ARHGAP40: variants seen among roughly 807,000 people sequenced by gnomAD.
The protein encoded by ARHGAP40 is rho GTPase-activating protein 40.
Under a neutral mutation model 73.5 loss-of-function variants are expected in ARHGAP40, and 43 were observed. The ratio of observed to expected loss-of-function variants is 0.58; its 90% CI spans 0.46 to 0.75. The LOEUF (loss-of-function observed/expected upper bound fraction) is 0.75. ARHGAP40 is among the 30% of genes least tolerant of loss of function. ARHGAP40 has a pLI of 0.00. For missense variants in ARHGAP40, 734 were observed against 861.8 expected, an observed-to-expected ratio of 0.85 and a Z score of 1.86; for synonymous variants, 300 against 352.8, an observed-to-expected ratio of 0.85 and a Z score of 1.68.
chr20:38,611,412 A>ACTT, intron 1 of ARHGAP40, among the ~76,000 whole-genome samples: 4 of 91,814 alleles, frequency 4.4e-5, no homozygotes, highest in Middle Eastern at 0.012. Flanking sequence ...CCTATTTAAA[A>ACTT]CTTTTTTTTT....
chr20:38,624,526 T>C (rs1478239873), intron 2 of ARHGAP40, among the ~76,000 whole-genome samples: 1 of 152,166 alleles, frequency 6.6e-6, no homozygotes, highest in Non-Finnish European at 1.5e-5. Flanking sequence ...CTTTACATAA[T>C]TGGCTTCGTG....
At chr20:38,640,295 C>T (rs2089010477) in intron 9 of ARHGAP40, among the ~76,000 whole-genome samples, 1 of 150,916 alleles carries the variant, frequency 6.6e-6, no homozygotes, top group Non-Finnish European at 1.5e-5. Context: ...TAGCTCACTG[C>T]AGCCTTGAAC....
chr20:38,638,229 G>A (rs1443488686), intron 7 of ARHGAP40, among the ~76,000 whole-genome samples: 2 of 151,880 alleles, frequency 1.3e-5, no homozygotes, highest in Admixed American at 6.6e-5. Flanking sequence ...GCAGGAGAAC[G>A]GTGTGAACCC....
chr20:38,607,990 C>T (rs751106163), intron 1 of ARHGAP40, among the ~76,000 whole-genome samples: 14 of 152,132 alleles, frequency 9.2e-5, no homozygotes, highest in African/African-American at 1.2e-4. Context: ...TGAATAGTAA[C>T]ACTTTATCAT....
chr20:38,618,680 C>T (rs1346150569), intron 1 of ARHGAP40, among the ~76,000 whole-genome samples: 1 of 152,056 alleles, frequency 6.6e-6, no homozygotes, highest in Admixed American at 6.5e-5. Context: ...GGGTGAGGTT[C>T]GGCTAGGGCT....
At chr20:38,639,047 C>A (rs2088996081) in intron 8 of ARHGAP40, among the ~76,000 whole-genome samples, 180 bp from the exon 9 acceptor site, 2 of 152,216 alleles carry the variant, frequency 1.3e-5, no homozygotes, top group Non-Finnish European at 2.9e-5. Context: ...GTTTAATGAG[C>A]AGAGCTCTGT....
At chr20:38,633,807 C>T (rs773370333) in intron 5 of ARHGAP40, among the ~76,000 whole-genome samples, 1 of 152,168 alleles carries the variant, frequency 6.6e-6, no homozygotes, top group Non-Finnish European at 1.5e-5. Flanking sequence ...CCCAAGGTGG[C>T]CTCTAGATGG....
rs6064778 is a variant in ARHGAP40, at chr20:38,623,567, C to A, written c.337+9C>A. The A allele has an allele frequency of 0.4, 514,129 of 1,283,394 alleles. 105,626 individuals carry two copies. Among genetic ancestry groups the A allele is most frequent in the Non-Finnish European group, 0.43 (419,591 of 984,396 alleles). The allele number at this position is 1,283,394 out of a possible 1,614,324, so 79.5% of individuals were successfully genotyped here. ...AGGCCAGCTTCCAGAGGGTGAGAGACCCTGGCGGGGGCCTATAGGGGTGGT... is the reference window on the plus strand; with the variant it reads ...AGGCCAGCTTCCAGAGGGTGAGAGAACCTGGCGGGGGCCTATAGGGGTGGT... On this transcript the variant is annotated intron_variant, in intron 2 of 14. Transcript: ENST00000373345.
intron 3 of ARHGAP40, among the ~76,000 whole-genome samples, chr20:38,627,434 CTGTGTTGGGGGTG>C (rs2088906023): frequency 1.0e-4 from 6 of 59,054 alleles, no homozygotes; most frequent in Non-Finnish European, 1.5e-4. Context: ...TGTGTGTTGT[CTGTGTTGGGGGTG>C]TGTGTGTTGG....
intron 3 of ARHGAP40, among the ~76,000 whole-genome samples, chr20:38,628,383 C>T (rs1195919610): frequency 6.6e-6 from 1 of 151,972 alleles, no homozygotes; most frequent in African/African-American, 2.4e-5. Context: ...CGACTCACTG[C>T]AAGCTCCGCC....
At chr20:38,647,548 G>A (rs1485385975) in intron 13 of ARHGAP40, among the ~76,000 whole-genome samples, 1 of 147,308 alleles carries the variant, frequency 6.8e-6, no homozygotes, top group South Asian at 2.1e-4. Context: ...CTGCCACCAT[G>A]CCTGGATAAT....
intron 1 of ARHGAP40, among the ~76,000 whole-genome samples, chr20:38,610,180 T>C (rs1447168304): frequency 1.3e-5 from 2 of 152,240 alleles, no homozygotes; most frequent in African/African-American, 2.4e-5. Flanking sequence ...TCTCTGTGTG[T>C]GTGTGTGGTT....
intron 3 of ARHGAP40, among the ~76,000 whole-genome samples, chr20:38,627,644 G>GGGGTGTGTT (rs1160889405): frequency 1.5e-5 from 2 of 137,848 alleles, no homozygotes; most frequent in Non-Finnish European, 3.2e-5. Flanking sequence ...GGTGTGTGTG[G>GGGGTGTGTT]GGTGTGTTGG....
chr20:38,639,278 G>T (rs1568610827), exon 9 of ARHGAP40: 1 of 1,305,364 alleles, frequency 7.7e-7, no homozygotes, highest in Admixed American at 2.3e-5. Context: ...TTTTAGCTGG[G>T]ACGAGGTTCA....
chr20:38,647,969 T>C (rs1232160615), intron 13 of ARHGAP40, among the ~76,000 whole-genome samples: 2 of 152,128 alleles, frequency 1.3e-5, no homozygotes, highest in Non-Finnish European at 1.5e-5. Flanking sequence ...TGGCCAAGGA[T>C]CTGGAAGAAG....
At chr20:38,627,391 T>G (rs1389990377) in intron 3 of ARHGAP40, among the ~76,000 whole-genome samples, 176 bp downstream of exon 3, 1 of 119,564 alleles carries the variant, frequency 8.4e-6, no homozygotes, top group East Asian at 2.2e-4. Flanking sequence ...TGTGTTGGGG[T>G]GTGTGTGTGT....
intron 1 of ARHGAP40, among the ~76,000 whole-genome samples, chr20:38,614,321 A>G (rs805595): frequency 0.92 from 139,957 of 152,304 alleles, 64,295 homozygotes; most frequent in Middle Eastern, 0.96. Flanking sequence ...GTACCCATAC[A>G]CACATGGCTG....
At chr20:38,632,782 C>G (rs1056018260) in intron 5 of ARHGAP40, among the ~76,000 whole-genome samples, 2 of 151,512 alleles carry the variant, frequency 1.3e-5, no homozygotes, top group South Asian at 2.1e-4. Context: ...TCGAGACCAG[C>G]CTGGGCAACA....
intron 5 of ARHGAP40, among the ~76,000 whole-genome samples, chr20:38,632,483 A>G (rs1168488328): frequency 6.6e-6 from 1 of 151,482 alleles, no homozygotes; most frequent in Non-Finnish European, 1.5e-5. Context: ...GGATGGTCTC[A>G]ATCTCCTGAC....
Sources: allele counts gnomAD v4.1 joint callset (sites outside exome capture counted in the v4.1 genomes callset), GRCh38; gene constraint gnomAD v4.1.1; transcripts MANE v1.5; gene names NCBI Gene and HGNC (gene_info 2026-07-23, HGNC 2026-07-21).